The following DNAH8 variants were observed in gnomAD, a reference collection of about 807,000 sequenced individuals.
DNAH8 encodes axonemal beta dynein heavy chain 8.
DNAH8 carries 382 observed loss-of-function variants against 562.1 expected under a neutral mutation model. The observed-to-expected ratio is 0.68, with a 90% confidence interval of 0.63 to 0.74. The LOEUF (loss-of-function observed/expected upper bound fraction) is 0.74. DNAH8 is among the 30% of genes least tolerant of loss of function. The pLI is 0.00. For synonymous variants in DNAH8, 1,881 were observed against 1,919.4 expected (o/e 0.98, Z 0.52); for missense variants, 5,203 against 5,620.4 (o/e 0.93, Z 2.37).
chr6:38,720,317 T>C (rs906285028), intron 1 of DNAH8, among the ~76,000 whole-genome samples: 2 of 152,166 alleles, frequency 1.3e-5, no homozygotes, highest in East Asian at 1.9e-4. Flanking sequence ...GAAACTCTGC[T>C]CTGTAACTTG....
At chr6:38,974,311 A>G in intron 84 of DNAH8, 63 bp from the exon 85 acceptor site, 2 of 1,290,792 alleles carry the variant, frequency 1.5e-6, no homozygotes, top group Middle Eastern at 2.3e-4. Flanking sequence ...TAATATTGTA[A>G]TTTCTATTTT....
In DNAH8 at chr6:38,984,260, A is replaced by C; in HGVS notation, c.13006A>C (p.Arg4336=). The C allele has an allele frequency of 6.2e-7, 1 of 1,611,242 alleles. No homozygotes were observed. The highest frequency in any genetic ancestry group is 1.1e-5 in the South Asian group (1 of 91,030). ...GATCGGAGAAGTACAATATGGAGGC[A>C]GAGTGACAGATGACTTTGACAAACG... ...YMIGEVQYGG[R]VTDDFDKRLL... is the part of the protein sequence containing the mutation. The change falls in exon 87 of 93, where the codon AGA becomes CGA. Residue 4336 remains arginine, a synonymous_variant. Coordinates refer to ENST00000327475, the MANE Select transcript of DNAH8 (RefSeq NM_001206927.2).
chr6:38,830,590 G>A (rs949532509), intron 30 of DNAH8, among the ~76,000 whole-genome samples: 19 of 138,706 alleles, frequency 1.4e-4, no homozygotes, highest in East Asian at 1.1e-3. Context: ...AGCCGAGATC[G>A]CGCCACTGCA....
chr6:38,921,531 CAA>C (rs1781705171), intron 71 of DNAH8, 25 bp downstream of exon 71: 2 of 1,604,650 alleles, frequency 1.2e-6, no homozygotes, highest in African/African-American at 2.7e-5. Flanking sequence ...AAAAAATCCC[CAA>C]AATGGTGTAC....
At chr6:38,850,045 A>C (rs1456544366) in intron 37 of DNAH8, among the ~76,000 whole-genome samples, 1 of 152,210 alleles carries the variant, frequency 6.6e-6, no homozygotes, top group Non-Finnish European at 1.5e-5. Context: ...CATTGTGATA[A>C]AGAAGCATTT....
At chr6:38,912,237 C>T (rs1224753000) in intron 66 of DNAH8, among the ~76,000 whole-genome samples, 3 of 152,082 alleles carry the variant, frequency 2.0e-5, no homozygotes, top group Non-Finnish European at 4.4e-5. Context: ...CCAACGCAAG[C>T]GGATCACTTG....
intron 71 of DNAH8, among the ~76,000 whole-genome samples, chr6:38,922,163 T>C (rs1450420211): frequency 2.0e-5 from 3 of 151,900 alleles, no homozygotes; most frequent in Non-Finnish European, 2.9e-5. Flanking sequence ...CTCAGAGACC[T>C]GACAGGGGCA....
intron 88 of DNAH8, among the ~76,000 whole-genome samples, chr6:39,007,235 GATTA>G (rs1765853888): frequency 1.3e-5 from 2 of 152,122 alleles, no homozygotes; most frequent in Admixed American, 6.5e-5. Context: ...TCTTTTTAAG[GATTA>G]ATTCTTAGGT....
At chr6:38,864,202 C>A in intron 45 of DNAH8, 142 bp downstream of exon 45, 1 of 771,064 alleles carries the variant, frequency 1.3e-6, no homozygotes. Context: ...TTTTTTATGT[C>A]ATTATAACCC....
At chr6:38,810,677 T>C (rs550909284) in intron 24 of DNAH8, among the ~76,000 whole-genome samples, 1 of 152,364 alleles carries the variant, frequency 6.6e-6, no homozygotes, top group Non-Finnish European at 1.5e-5. Flanking sequence ...TTGGCAGGCT[T>C]TACTCACTGA....
At chr6:38,790,163 G>A (rs1769581782) in intron 19 of DNAH8, 126 bp from the exon 20 acceptor site, 1 of 722,188 alleles carries the variant, frequency 1.4e-6, no homozygotes, top group Non-Finnish European at 2.4e-6. Flanking sequence ...ATCTTTATTA[G>A]GTGTAATAGA....
chr6:38,735,401 G>C (rs1763999853), intron 5 of DNAH8, among the ~76,000 whole-genome samples: 1 of 152,196 alleles, frequency 6.6e-6, no homozygotes, highest in Non-Finnish European at 1.5e-5. Context: ...TAGGTTGGCA[G>C]TTATTTTTCC....
At chr6:38,809,102 GA>G (rs943940735) in intron 24 of DNAH8, among the ~76,000 whole-genome samples, 2 of 150,274 alleles carry the variant, frequency 1.3e-5, no homozygotes, top group South Asian at 4.2e-4. Context: ...AAAAAAAAAA[GA>G]AAAAAAATTG....
chr6:38,839,843 G>A (rs1362143718), intron 33 of DNAH8, among the ~76,000 whole-genome samples: 1 of 152,046 alleles, frequency 6.6e-6, no homozygotes, highest in Non-Finnish European at 1.5e-5. Context: ...TATATTTTTA[G>A]TAGAGACGGG....
chr6:38,913,759 A>C (rs561873694), intron 66 of DNAH8, 90 bp from the exon 67 acceptor site: 13 of 833,196 alleles, frequency 1.6e-5, no homozygotes, highest in Non-Finnish European at 2.3e-5. Context: ...TTACATGTAC[A>C]GTGCCTAATA....
intron 33 of DNAH8, 37 bp downstream of exon 33, chr6:38,838,079 A>G (rs1207781102): frequency 7.9e-7 from 1 of 1,267,804 alleles, no homozygotes; most frequent in Non-Finnish European, 1.1e-6. Flanking sequence ...ACATGCAAAT[A>G]ATTAAATACT....
intron 32 of DNAH8, among the ~76,000 whole-genome samples, chr6:38,835,591 G>A (rs1403176410): frequency 6.6e-6 from 1 of 152,140 alleles, no homozygotes; most frequent in Admixed American, 6.5e-5. Flanking sequence ...AGGGGAAGAC[G>A]GAGGGGAAAA....
intron 56 of DNAH8, among the ~76,000 whole-genome samples, chr6:38,885,224 A>G (rs544798167): frequency 1.1e-4 from 16 of 152,188 alleles, no homozygotes; most frequent in Non-Finnish European, 2.1e-4. Context: ...GTTGGATCGC[A>G]AACTTAACAC....
intron 62 of DNAH8, among the ~76,000 whole-genome samples, chr6:38,905,845 C>A (rs913124341): frequency 6.6e-6 from 1 of 152,140 alleles, no homozygotes; most frequent in Non-Finnish European, 1.5e-5. Context: ...CTCTAATAAT[C>A]ACAGGCTATT....
Sources: allele counts gnomAD v4.1 joint callset (sites outside exome capture counted in the v4.1 genomes callset), GRCh38; gene constraint gnomAD v4.1.1; transcripts MANE v1.5; gene names NCBI Gene and HGNC (gene_info 2026-07-23, HGNC 2026-07-21).